Variants in INPP4B observed in about 807,000 individuals in gnomAD.
INPP4B encodes inositol polyphosphate 4-phosphatase type II.
INPP4B carries 55 observed loss-of-function variants against 122.5 expected under a neutral mutation model. The observed-to-expected ratio is 0.45, with a 90% CI of 0.36 to 0.56. INPP4B has a LOEUF of 0.56. INPP4B is among the 20% of genes least tolerant of loss of function. The pLI is 0.00. For missense variants in INPP4B, 1,000 were observed against 1,097.7 expected (o/e 0.91, Z 1.26); for synonymous variants, 403 against 388.7 (o/e 1.04, Z -0.43).
At chr4:142,221,389 C>CAAAA (rs570703001) in intron 12 of INPP4B, among the ~76,000 whole-genome samples, 9 of 28,552 alleles carry the variant, frequency 3.2e-4, no homozygotes, top group African/African-American at 8.9e-4. Context: ...GACTCCTTCT[C>CAAAA]AAAAAAAAAA....
intron 9 of INPP4B, among the ~76,000 whole-genome samples, chr4:142,295,097 T>A (rs548983199): frequency 2.6e-5 from 4 of 152,132 alleles, no homozygotes; most frequent in Non-Finnish European, 5.9e-5. Context: ...AGGGTCTTAG[T>A]TTAACCTGAA....
At chr4:142,746,443 C>T (rs1180474821) in intron 1 of INPP4B, among the ~76,000 whole-genome samples, 1 of 152,110 alleles carries the variant, frequency 6.6e-6, no homozygotes, top group Non-Finnish European at 1.5e-5. Context: ...AATGGTCATA[C>T]TGCCCAAAGT....
At chr4:142,557,709 A>G (rs1028367969) in intron 2 of INPP4B, among the ~76,000 whole-genome samples, 4 of 152,238 alleles carry the variant, frequency 2.6e-5, no homozygotes, top group Non-Finnish European at 4.4e-5. Flanking sequence ...AGAGGTAACA[A>G]TAAGTAATAC....
chr4:142,497,991 C>T (rs1179273522), intron 2 of INPP4B, among the ~76,000 whole-genome samples: 1 of 151,992 alleles, frequency 6.6e-6, no homozygotes, highest in African/African-American at 2.4e-5. Context: ...AAAGAAAAAA[C>T]TGCAGTCAAA....
intron 17 of INPP4B, among the ~76,000 whole-genome samples, chr4:142,155,025 C>A (rs755263486): frequency 4.0e-5 from 6 of 150,912 alleles, no homozygotes; most frequent in Non-Finnish European, 7.4e-5. Context: ...TATATATATA[C>A]ATATATTAAT....
chr4:142,084,765 C>T (rs1222851235), intron 24 of INPP4B, among the ~76,000 whole-genome samples: 1 of 152,146 alleles, frequency 6.6e-6, no homozygotes, highest in East Asian at 1.9e-4. Flanking sequence ...TGGGAAATTG[C>T]ATATACTAAA....
At chr4:142,519,716 AATCT>A (rs1301192683) in intron 2 of INPP4B, among the ~76,000 whole-genome samples, 6 of 152,138 alleles carry the variant, frequency 3.9e-5, no homozygotes, top group African/African-American at 1.4e-4. Context: ...CAAAGCACAT[AATCT>A]ATTATTCATT....
At chr4:142,586,654 T>C (rs1399386626) in intron 2 of INPP4B, among the ~76,000 whole-genome samples, 1 of 152,162 alleles carries the variant, frequency 6.6e-6, no homozygotes, top group East Asian at 1.9e-4. Context: ...TGGTAGTAAG[T>C]ATTGCTAGTA....
intron 12 of INPP4B, among the ~76,000 whole-genome samples, chr4:142,227,856 T>TTA (rs71586267): frequency 2.9e-5 from 1 of 34,236 alleles, no homozygotes; most frequent in Non-Finnish European, 5.6e-5. Context: ...AGACTCTATC[T>TTA]AAAAAAAAAA....
At chr4:142,198,197 T>A (rs1839158125) in intron 14 of INPP4B, among the ~76,000 whole-genome samples, 2 of 152,074 alleles carry the variant, frequency 1.3e-5, no homozygotes, top group East Asian at 3.8e-4. Context: ...CTTTATTCAT[T>A]CACTAAACAA....
chr4:142,181,728 A>G (rs952386184), intron 15 of INPP4B, among the ~76,000 whole-genome samples: 3 of 152,100 alleles, frequency 2.0e-5, no homozygotes, highest in Non-Finnish European at 4.4e-5. Context: ...TTTTATTTTT[A>G]TTGTGGCCAT....
chr4:142,338,484 C>T (rs968853610), intron 7 of INPP4B, among the ~76,000 whole-genome samples: 11 of 152,084 alleles, frequency 7.2e-5, no homozygotes, highest in Admixed American at 2.0e-4. Flanking sequence ...GTGATCTGCC[C>T]GCCTCGGCCT....
chr4:142,337,502 A>C lies in INPP4B; in HGVS notation c.373-22740T>G, dbSNP rs150243968. Among the ~76,000 whole-genome samples the C allele has an allele frequency of 7.3e-3, 1,100 of 151,604 alleles. 16 individuals carry two copies. The highest frequency in any genetic ancestry group is 0.024 in the African/African-American group (984 of 41,402). On this transcript the variant is annotated intron_variant, in intron 7 of 25. Transcript: ENST00000262992. ...TTTTACCAACCATTGATATGTAATT[A>C]TATATCACTGTATTATTAATTAATA... is the stretch of plus-strand genomic sequence containing the variant.
intron 9 of INPP4B, among the ~76,000 whole-genome samples, chr4:142,291,719 G>A (rs958577084): frequency 1.3e-5 from 2 of 152,022 alleles, no homozygotes; most frequent in Non-Finnish European, 2.9e-5. Context: ...GAAGGCATTA[G>A]GTAGAAAGTT....
intron 25 of INPP4B, among the ~76,000 whole-genome samples, chr4:142,068,333 A>G (rs937949416): frequency 5.3e-5 from 8 of 152,232 alleles, no homozygotes; most frequent in Non-Finnish European, 1.0e-4. Flanking sequence ...TCAAGGAAGC[A>G]CTAAACATGA....
chr4:142,623,110 G>A (rs1745338736), intron 2 of INPP4B, among the ~76,000 whole-genome samples: 3 of 151,852 alleles, frequency 2.0e-5, no homozygotes, highest in Admixed American at 6.6e-5. Context: ...GAGTCAAATC[G>A]CCTTTACTTC....
intron 25 of INPP4B, among the ~76,000 whole-genome samples, chr4:142,044,462 A>C (rs1418037764): frequency 6.6e-6 from 1 of 152,178 alleles, no homozygotes; most frequent in Admixed American, 6.6e-5. Flanking sequence ...AAACGAGGTC[A>C]CCAGATTCCA....
At chr4:142,455,400 G>A (rs1815180361) in intron 3 of INPP4B, among the ~76,000 whole-genome samples, 1 of 151,952 alleles carries the variant, frequency 6.6e-6, no homozygotes, top group Admixed American at 6.6e-5. Context: ...ACACAAATAA[G>A]TGAGAACATA....
chr4:142,112,046 A>AG lies in INPP4B; in HGVS notation c.2276+495_2276+496insC, dbSNP rs1286639372. Reference sequence around the variant, plus strand: ...GGCGTAAGCCACCACGACCAGCAAAAAAAAAGTGTTTTTTAACTGACTTAT... The same window carrying AG: ...GGCGTAAGCCACCACGACCAGCAAAAGAAAAAGTGTTTTTTAACTGACTTAT... On this transcript the variant is annotated intron_variant, in intron 22 of 25. Coordinates refer to ENST00000262992, the MANE Select transcript of INPP4B (RefSeq NM_001101669.3). 2.0e-5 allele frequency among the ~76,000 whole-genome samples: 3 copies of AG among 152,228 alleles called. No homozygotes were observed. In the East Asian group the frequency reaches 5.8e-4, roughly 29 times the overall value.
Sources: allele counts gnomAD v4.1 joint callset (sites outside exome capture counted in the v4.1 genomes callset), GRCh38; gene constraint gnomAD v4.1.1; transcripts MANE v1.5; gene names NCBI Gene and HGNC (gene_info 2026-07-23, HGNC 2026-07-21).